Variants in WAC observed in about 807,000 individuals in gnomAD.
The protein encoded by WAC is WW domain containing adaptor with coiled-coil, also known as WW domain-containing adapter protein with coiled-coil.
A neutral mutation model predicts 79.6 loss-of-function variants in WAC; 11 were observed. The ratio of observed to expected loss-of-function variants is 0.14; its 90% CI spans 0.09 to 0.23. The LOEUF is 0.23. WAC is among the 10% of genes least tolerant of loss of function. The probability of loss-of-function intolerance (pLI) is 1.00; values close to 1 mark genes in which losing one functional copy is unlikely to be tolerated. For missense variants in WAC, 728 were observed against 773.5 expected, an observed-to-expected ratio of 0.94 and a Z score of 0.70; for synonymous variants, 304 against 276.9, an observed-to-expected ratio of 1.10 and a Z score of -0.97.
At chr10:28,548,663 A>T (rs1045795637) in intron 3 of WAC, among the ~76,000 whole-genome samples, 4 of 151,644 alleles carry the variant, frequency 2.6e-5, no homozygotes, top group African/African-American at 9.7e-5. Context: ...TTTCTGGTTG[A>T]GTTTGGTGCA....
chr10:28,596,919 C>T (rs1840400533), intron 7 of WAC, among the ~76,000 whole-genome samples: 1 of 152,064 alleles, frequency 6.6e-6, no homozygotes, highest in African/African-American at 2.4e-5. Context: ...TTCCTCTCTC[C>T]TTGAACTACA....
intron 13 of WAC, chr10:28,618,023 A>G (rs1841547426): frequency 1.4e-5 from 4 of 294,682 alleles, no homozygotes; most frequent in South Asian, 1.0e-4. Flanking sequence ...ATAAGCTGCA[A>G]TAATATATTA....
At chr10:28,536,812 A>G (rs185697040) in intron 3 of WAC, among the ~76,000 whole-genome samples, 101 of 152,350 alleles carry the variant, frequency 6.6e-4, no homozygotes, top group African/African-American at 2.3e-3. Context: ...CAATTTCAGT[A>G]AAGACACCTA....
chr10:28,559,135 G>GGTGTGTGTGTGTGTGTGTGT (rs750941388), intron 3 of WAC, among the ~76,000 whole-genome samples: 700 of 64,784 alleles, frequency 0.011, 6 homozygotes, highest in African/African-American at 0.05. Flanking sequence ...CGAGAAACCT[G>GGTGTGTGTGTGTGTGTGTGT]ATGTGTGTGT....
intron 3 of WAC, among the ~76,000 whole-genome samples, chr10:28,569,943 G>A (rs954909630): frequency 2.6e-5 from 4 of 152,120 alleles, no homozygotes; most frequent in African/African-American, 4.8e-5. Flanking sequence ...CCAATATTGG[G>A]TTATCAATGG....
At position 28,538,542 on chromosome 10, in the gene WAC, A is replaced by G. The variant is rs570509684; in HGVS notation, c.274+2785A>G. 6.2e-5 allele frequency among the ~76,000 whole-genome samples: 9 copies of G among 145,904 alleles called. No individual in the cohort carries two copies. The South Asian group carries it at 1.7e-3, about 28-fold the overall frequency. On this transcript the variant is annotated intron_variant, in intron 3 of 13. Coordinates refer to ENST00000354911, the MANE Select transcript of WAC (RefSeq NM_016628.5). ...GGTTGCAGTGAGCTGAGATTGTGCCATTGCACTCCAGCCTGGGAGACGGAT... is the reference window on the plus strand; with the variant it reads ...GGTTGCAGTGAGCTGAGATTGTGCCGTTGCACTCCAGCCTGGGAGACGGAT...
At chr10:28,534,382 T>C in intron 2 of WAC, 1 of 260,448 alleles carries the variant, frequency 3.8e-6, no homozygotes. Context: ...TTTATTGTGT[T>C]GGGGGAACTG....
chr10:28,587,640 T>C (rs1839890129), intron 4 of WAC, among the ~76,000 whole-genome samples: 1 of 152,246 alleles, frequency 6.6e-6, no homozygotes, highest in Non-Finnish European at 1.5e-5. Context: ...TGACACCTGC[T>C]ATTGCACATC....
intron 13 of WAC, among the ~76,000 whole-genome samples, chr10:28,618,685 G>A (rs1321092821): frequency 8.5e-5 from 13 of 152,172 alleles, no homozygotes; most frequent in Admixed American, 8.5e-4. Context: ...GTTCCCAGAA[G>A]AGAAGAGTAA....
At chr10:28,598,664 G>A (rs533900574) in intron 7 of WAC, among the ~76,000 whole-genome samples, 5 of 152,264 alleles carry the variant, frequency 3.3e-5, no homozygotes, top group African/African-American at 4.8e-5. Flanking sequence ...CAATTCAAAC[G>A]TGTGGTGTTA....
At chr10:28,582,800 T>G (rs1839606357) in intron 3 of WAC, among the ~76,000 whole-genome samples, 1 of 152,192 alleles carries the variant, frequency 6.6e-6, no homozygotes, top group Non-Finnish European at 1.5e-5. Flanking sequence ...TGAGTTACTC[T>G]TAAGCAATTT....
chr10:28,593,388 T>C (rs1840195283), intron 6 of WAC, among the ~76,000 whole-genome samples: 1 of 152,184 alleles, frequency 6.6e-6, no homozygotes, highest in African/African-American at 2.4e-5. Context: ...CAGAAGATTT[T>C]TACATGTAAA....
chr10:28,580,930 G>A (rs1233754481), intron 3 of WAC, among the ~76,000 whole-genome samples: 1 of 152,148 alleles, frequency 6.6e-6, no homozygotes, highest in African/African-American at 2.4e-5. Flanking sequence ...ACAGTGGACA[G>A]GTGCAAAGAG....
At chr10:28,611,989 G>GA in intron 10 of WAC, 67 bp downstream of exon 10, 1 of 1,565,944 alleles carries the variant, frequency 6.4e-7, no homozygotes, top group Middle Eastern at 1.7e-4. Context: ...TAACATTTTA[G>GA]AATCTGTTAT....
intron 6 of WAC, chr10:28,591,238 C>A (rs760208802): frequency 2.4e-4 from 41 of 170,528 alleles, no homozygotes; most frequent in Non-Finnish European, 4.0e-4. Context: ...CACAGTGACA[C>A]CAGAATAGCT....
intron 3 of WAC, among the ~76,000 whole-genome samples, chr10:28,581,601 C>A (rs1195715486): frequency 1.3e-5 from 2 of 152,120 alleles, no homozygotes; most frequent in African/African-American, 4.8e-5. Flanking sequence ...GTTGCCCAGG[C>A]TGGAGTGCAG....
chr10:28,617,886 C>T, intron 13 of WAC, 102 bp downstream of exon 13: 1 of 1,293,496 alleles, frequency 7.7e-7, no homozygotes, highest in South Asian at 1.6e-5. Context: ...ATGTAAAGTT[C>T]TCTTCGATAC....
chr10:28,557,771 A>T (rs1481505624), intron 3 of WAC, among the ~76,000 whole-genome samples: 1 of 152,122 alleles, frequency 6.6e-6, no homozygotes, highest in Non-Finnish European at 1.5e-5. Flanking sequence ...ATTTTGATAG[A>T]TGTTAAGAAA....
At chr10:28,540,033 A>T (rs568723656) in intron 3 of WAC, among the ~76,000 whole-genome samples, 1 of 152,322 alleles carries the variant, frequency 6.6e-6, no homozygotes, top group African/African-American at 2.4e-5. Context: ...TGAGTCTTTC[A>T]CATTGAATAA....
Sources: allele counts gnomAD v4.1 joint callset (sites outside exome capture counted in the v4.1 genomes callset), GRCh38; gene constraint gnomAD v4.1.1; transcripts MANE v1.5; gene names NCBI Gene and HGNC (gene_info 2026-07-23, HGNC 2026-07-21).